ERLIN2: variants seen among roughly 807,000 people sequenced by gnomAD.
ERLIN2 encodes the protein erlin-2.
A neutral mutation model predicts 41.5 loss-of-function variants in ERLIN2; 22 were observed. The observed-to-expected ratio is 0.53, with a 90% CI of 0.38 to 0.76. The LOEUF is 0.76. Ranked by LOEUF, ERLIN2 falls within the 30% of genes least tolerant of loss-of-function variation. The probability of loss-of-function intolerance (pLI) is 0.00; values close to 1 mark genes in which losing one functional copy is unlikely to be tolerated. For missense variants in ERLIN2, 247 were observed against 414.3 expected, an observed-to-expected ratio of 0.60 and a Z score of 3.51; for synonymous variants, 149 against 150.9, an observed-to-expected ratio of 0.99 and a Z score of 0.09.
In ERLIN2 at chr8:37,749,816, A is replaced by C; in HGVS notation, c.521A>C (p.Asn174Thr). The C allele has an allele frequency of 6.2e-7, 1 of 1,614,186 alleles. No individual in the cohort carries two copies. The highest frequency in any genetic ancestry group is 8.5e-7 in the Non-Finnish European group (1 of 1,180,022). ...CAGGCTGTGCGGGTAACAAAGCCCA[A>C]CATACCAGAGGCAATCCGCAGAAAC... The part of the protein sequence containing the change: ...VIQAVRVTKP[N>T]IPEAIRRNYE... Residue 174 changes from asparagine (N) to threonine (T), a missense_variant, in exon 8 of 12, where the codon AAC (asparagine) becomes ACC (threonine). Asn to Thr is a moderately conservative substitution (Grantham distance 65). Around this residue, in one of 3 missense-constraint regions of ERLIN2, gnomAD observed 153 missense variants for 256.4 expected, o/e 0.60. Coordinates refer to ENST00000519638, the MANE Select transcript of ERLIN2 (RefSeq NM_007175.8).
chr8:37,740,500 T>C, intron 3 of ERLIN2, 54 bp downstream of exon 3: 1 of 1,281,018 alleles, frequency 7.8e-7, no homozygotes. Flanking sequence ...GGCTGTTAAC[T>C]AGTGCATGAT....
intron 6 of ERLIN2, chr8:37,745,301 T>C: frequency 1.9e-6 from 1 of 516,550 alleles, no homozygotes; most frequent in South Asian, 2.7e-5. Flanking sequence ...GTGATTATTA[T>C]TTTTTTACTC....
chr8:37,745,141 G>A, intron 6 of ERLIN2: 1 of 502,472 alleles, frequency 2.0e-6, no homozygotes, highest in Non-Finnish European at 3.5e-6. Flanking sequence ...GCTGAAACAG[G>A]AGCCTTCCTC....
chr8:37,744,910 G>A (rs1485547153), intron 6 of ERLIN2: 1 of 694,192 alleles, frequency 1.4e-6, no homozygotes, highest in African/African-American at 1.8e-5. Context: ...GGAGCTTTGG[G>A]CACAGGGACC....
At chr8:37,746,523 A>G (rs552063684) in intron 6 of ERLIN2, 3 of 974,122 alleles carry the variant, frequency 3.1e-6, no homozygotes, top group East Asian at 2.3e-4. Flanking sequence ...TGTAAATAGC[A>G]AATGTAAAGT....
intron 9 of ERLIN2, among the ~76,000 whole-genome samples, chr8:37,750,767 A>G (rs897257579): frequency 6.6e-6 from 1 of 151,858 alleles, no homozygotes; most frequent in African/African-American, 2.4e-5. Context: ...TCTGTCACCC[A>G]GGCTAGAATG....
intron 11 of ERLIN2, 40 bp downstream of exon 11, chr8:37,753,569 G>T (rs1803281337): frequency 6.3e-7 from 1 of 1,575,852 alleles, no homozygotes; most frequent in African/African-American, 1.4e-5. Flanking sequence ...GAGTCTTTGG[G>T]TCTGGGTCTG....
At chr8:37,738,171 G>C in intron 2 of ERLIN2, 142 bp downstream of exon 2, 2 of 865,586 alleles carry the variant, frequency 2.3e-6, no homozygotes, top group Non-Finnish European at 3.8e-6. Context: ...AGCTTTTTAT[G>C]TCAGTAACCA....
intron 4 of ERLIN2, among the ~76,000 whole-genome samples, 175 bp from the exon 5 acceptor site, chr8:37,744,180 T>C (rs1012746138): frequency 6.6e-6 from 1 of 152,204 alleles, no homozygotes; most frequent in African/African-American, 2.4e-5. Context: ...GGAGAGTATG[T>C]TGTTGCCATG....
intron 6 of ERLIN2, chr8:37,745,472 A>T: frequency 8.4e-7 from 1 of 1,184,262 alleles, no homozygotes; most frequent in Non-Finnish European, 1.3e-6. Flanking sequence ...GTTTGCAGTC[A>T]AGTATTCTGT....
rs1292777081 is a variant in ERLIN2 at position 37,757,839 on chromosome 8, T to C, written c.*3724T>C. 6.6e-6 allele frequency: 1 copy of C among 152,222 alleles called. No homozygotes were observed. Among genetic ancestry groups the C allele is most frequent in the Non-Finnish European group, 1.5e-5 (1 of 68,038 alleles). The allele number at this position is 152,222 out of a possible 1,614,324, so 9.4% of individuals were successfully genotyped here. On this transcript the variant is annotated 3_prime_UTR_variant, in exon 12 of 12. Transcript: ENST00000519638. ...ACGTGGCATAATTCTTGGTAGGTGC[T>C]ATAGAGATTTATCATTTTAAACAGT...
Position 37,754,033 on chromosome 8 carries a change from G to A in ERLIN2, c.938G>A (p.Ser313Asn). Residue 313 changes from serine to asparagine, a missense_variant, in exon 12 of 12, where the codon AGC (serine) becomes AAC (asparagine). By Grantham distance (46) the Ser-to-Asn change is conservative. This residue lies in a region of ERLIN2 where 153 missense variants were observed against 256.4 expected (regional missense o/e 0.60). Transcript: ENST00000519638. ...TTCATGGACTCTGCGGGCAGTGTGA[G>A]CAAGCAGTTTGAGGGGCTAGCTGAC... ...NMFMDSAGSV[S>N]KQFEGLADKL... 1 of 1,614,094 alleles carries A rather than the reference G, an allele frequency of 6.2e-7. No homozygotes were observed. Among genetic ancestry groups the A allele is most frequent in the Non-Finnish European group, 8.5e-7 (1 of 1,179,986 alleles).
In ERLIN2 at chr8:37,738,004, G is replaced by T; in HGVS notation, c.82G>T (p.Glu28Ter). ...SLFSAVHKIE[E>*]GHIGVYYRGG... ...CTTCTCAGCTGTGCACAAGATAGAA[G>T]AGGGACATATTGGGGTATATTACAG... Residue 28 changes from glutamate (E) to a stop codon, truncating the protein, a stop_gained, in exon 2 of 12, where the codon GAG becomes TAG. Transcript: ENST00000519638. LOFTEE classifies it high-confidence loss of function. The T allele has an allele frequency of 6.2e-7, 1 of 1,614,216 alleles. No homozygotes were observed. The highest frequency in any genetic ancestry group is 1.1e-5 in the South Asian group (1 of 91,084).
chr8:37,740,228 T>G lies in ERLIN2; in HGVS notation c.108-137T>G, dbSNP rs539412347. ...TCTAGCTGAGAGGAAGAAAGGGATC[T>G]GTAGCCATGGCTGCAGCACATGTCA... On this transcript the variant is annotated intron_variant, in intron 2 of 11. Transcript: ENST00000519638. The G allele has an allele frequency of 6.9e-6, 5 of 722,692 alleles. No individual in the cohort carries two copies. In the African/African-American group the frequency reaches 8.7e-5, roughly 13 times the overall value. 44.8% of individuals were successfully genotyped at this position (722,692 alleles called of 1,614,324 possible). A position where few individuals can be genotyped will look rare whatever the true frequency, so the allele number is the denominator to read the frequency against.
At position 37,745,516 on chromosome 8, in the gene ERLIN2, A is replaced by G; in HGVS notation, c.424+820A>G. 8 of 1,580,366 alleles carry G rather than the reference A, an allele frequency of 5.1e-6. No individual in the cohort carries two copies. In the South Asian group the frequency reaches 8.9e-5, roughly 17 times the overall value. ...ACTGCCAGAAATTCTCTAATAGCCA[A>G]TGCCAAAAGTAAATGAATTTTTAAC... is the stretch of plus-strand genomic sequence containing the variant. On this transcript the variant is annotated intron_variant, in intron 6 of 11. Coordinates refer to ENST00000519638, the MANE Select transcript of ERLIN2 (RefSeq NM_007175.8).
At chr8:37,746,139 T>G (rs1803040719) in intron 6 of ERLIN2, 1 of 992,622 alleles carries the variant, frequency 1.0e-6, no homozygotes, top group African/African-American at 1.7e-5. Flanking sequence ...TAGCAAGCAC[T>G]ACTTGGCTTA....
chr8:37,757,617 A>G lies in ERLIN2; in HGVS notation c.*3502A>G, dbSNP rs966270236. ...TGTTTTGGACAATACTAACATGTGA[A>G]TTTATGTCTTAGTTTTATTTGCAGT... On this transcript the variant is annotated 3_prime_UTR_variant, in exon 12 of 12. Coordinates refer to ENST00000519638, the MANE Select transcript of ERLIN2 (RefSeq NM_007175.8). The G allele has an allele frequency of 6.6e-6, 1 of 152,220 alleles. No individual in the cohort carries two copies. Among genetic ancestry groups the G allele is most frequent in the African/African-American group, 2.4e-5 (1 of 41,450 alleles). The allele number at this position is 152,220 out of a possible 1,614,324, so 9.4% of individuals were successfully genotyped here.
In ERLIN2 at chr8:37,754,292, G is replaced by C. The variant is rs1365712423; in HGVS notation, c.*177G>C. 2.2e-5 allele frequency: 14 copies of C among 646,384 alleles called. No homozygotes were observed. Among genetic ancestry groups the C allele is most frequent in the South Asian group, 1.7e-4 (10 of 57,242 alleles). 40.0% of individuals were successfully genotyped at this position (646,384 alleles called of 1,614,324 possible). A position where few individuals can be genotyped will look rare whatever the true frequency, so the allele number is the denominator to read the frequency against. On this transcript the variant is annotated 3_prime_UTR_variant, in exon 12 of 12. Transcript: ENST00000519638. Reference sequence around the variant, plus strand: ...TAGGGAAAGGAGGGTGGGGACTGATGATGGGGGGTTTTATTTCAGGTAAGC... The same window carrying C: ...TAGGGAAAGGAGGGTGGGGACTGATCATGGGGGGTTTTATTTCAGGTAAGC...
intron 1 of ERLIN2, chr8:37,737,157 ACTC>A (rs979540609): frequency 3.9e-6 from 1 of 256,594 alleles, no homozygotes; most frequent in Non-Finnish European, 6.1e-6. Flanking sequence ...TCAGGATCCC[ACTC>A]CTCCGCGTCC....
Sources: allele counts gnomAD v4.1 joint callset (sites outside exome capture counted in the v4.1 genomes callset), GRCh38; gene constraint gnomAD v4.1.1; regional missense constraint gnomAD v4.1.1; transcripts MANE v1.5; gene names NCBI Gene and HGNC (gene_info 2026-07-23, HGNC 2026-07-21).